The following TRAPPC9 variants were observed in gnomAD, a reference collection of about 807,000 sequenced individuals.
TRAPPC9 encodes IKK2 binding protein.
Under a neutral mutation model 124.0 loss-of-function variants are expected in TRAPPC9, and 83 were observed. That is an observed-to-expected ratio of 0.67 (90% CI 0.56 to 0.80). The LOEUF (loss-of-function observed/expected upper bound fraction) is 0.80, where lower values mean the gene tolerates loss of function less well. TRAPPC9 is among the 30% of genes least tolerant of loss of function. The pLI, the probability that TRAPPC9 is intolerant of heterozygous loss-of-function variation, is 0.00. For missense variants in TRAPPC9, 1,302 were observed against 1,508.3 expected (o/e 0.86, Z 2.27); for synonymous variants, 638 against 617.5 (o/e 1.03, Z -0.49).
At chr8:139,806,438 G>A (rs1824063640) in intron 21 of TRAPPC9, among the ~76,000 whole-genome samples, 1 of 152,204 alleles carries the variant, frequency 6.6e-6, no homozygotes, top group Non-Finnish European at 1.5e-5. Flanking sequence ...CCACCTGGAT[G>A]TTTCCACTCG....
chr8:139,901,768 C>G (rs1345766299), intron 20 of TRAPPC9, among the ~76,000 whole-genome samples: 2 of 152,222 alleles, frequency 1.3e-5, no homozygotes, highest in African/African-American at 4.8e-5. Flanking sequence ...GCACACAGCA[C>G]TGAGGGCAGC....
chr8:140,110,249 C>T (rs1479111574), intron 17 of TRAPPC9, among the ~76,000 whole-genome samples: 2 of 132,782 alleles, frequency 1.5e-5, no homozygotes, highest in Admixed American at 1.5e-4. Flanking sequence ...CCTGTAGCAG[C>T]TCCCCCCTGC....
chr8:140,151,085 T>C (rs970332932), intron 17 of TRAPPC9, among the ~76,000 whole-genome samples: 4 of 151,812 alleles, frequency 2.6e-5, no homozygotes, highest in African/African-American at 9.7e-5. Context: ...GGAACAGAAA[T>C]GGGGAAGTGG....
chr8:140,380,719 T>C (rs1354035105), intron 7 of TRAPPC9, among the ~76,000 whole-genome samples: 2 of 122,578 alleles, frequency 1.6e-5, no homozygotes, highest in Non-Finnish European at 1.8e-5. Flanking sequence ...TGAACAAAAA[T>C]TAACTCAAAA....
At chr8:139,749,680 A>C (rs1251726897) in intron 21 of TRAPPC9, among the ~76,000 whole-genome samples, 2 of 152,156 alleles carry the variant, frequency 1.3e-5, no homozygotes, top group Non-Finnish European at 1.5e-5. Flanking sequence ...CTTCACATAG[A>C]ACTATAAAGT....
At chr8:139,925,314 T>C (rs1240365706) in intron 19 of TRAPPC9, among the ~76,000 whole-genome samples, 1 of 152,064 alleles carries the variant, frequency 6.6e-6, no homozygotes, top group East Asian at 1.9e-4. Flanking sequence ...GGTGGAGTCT[T>C]TGTAGGCTGC....
In TRAPPC9 at chr8:140,065,769, C is replaced by T. The variant is rs114541007; in HGVS notation, c.2557-41690G>A. On this transcript the variant is annotated intron_variant, in intron 17 of 22. Coordinates refer to ENST00000438773, the MANE Select transcript of TRAPPC9 (RefSeq NM_001160372.4). Reference sequence around the variant, plus strand: ...ATTATTGCTTATTGACAATGCACCACGTCACGTAAGACAGCTGATGGAGAT... The same window carrying T: ...ATTATTGCTTATTGACAATGCACCATGTCACGTAAGACAGCTGATGGAGAT... Among the ~76,000 whole-genome samples the T allele has an allele frequency of 6.9e-3, 1,053 of 152,322 alleles. 8 individuals carry two copies. The highest frequency in any genetic ancestry group is 0.023 in the African/African-American group (945 of 41,564).
chr8:140,377,216 T>G (rs1283270589), intron 7 of TRAPPC9, among the ~76,000 whole-genome samples: 1 of 152,262 alleles, frequency 6.6e-6, no homozygotes, highest in African/African-American at 2.4e-5. Flanking sequence ...CGAGTTCATG[T>G]GTACTTTAAA....
intron 17 of TRAPPC9, among the ~76,000 whole-genome samples, chr8:140,050,479 T>C (rs765153673): frequency 6.6e-6 from 1 of 152,084 alleles, no homozygotes; most frequent in African/African-American, 2.4e-5. Flanking sequence ...CCAGGTGAGA[T>C]GCCCAACCCC....
chr8:139,853,384 C>T (rs560499867), intron 21 of TRAPPC9, among the ~76,000 whole-genome samples: 5 of 152,238 alleles, frequency 3.3e-5, no homozygotes, highest in East Asian at 3.9e-4. Context: ...ACTGTATCCC[C>T]GCGCCCATGG....
chr8:140,143,351 T>C (rs2061409210), intron 17 of TRAPPC9, among the ~76,000 whole-genome samples: 1 of 152,114 alleles, frequency 6.6e-6, no homozygotes, highest in South Asian at 2.1e-4. Context: ...CACTGATCTA[T>C]CAGTGGGACT....
At chr8:139,859,549 C>G (rs1054142059) in intron 21 of TRAPPC9, among the ~76,000 whole-genome samples, 8 of 152,142 alleles carry the variant, frequency 5.3e-5, no homozygotes, top group Non-Finnish European at 1.0e-4. Flanking sequence ...TTCTCCATTC[C>G]AAAAAAGAGA....
chr8:140,200,545 C>T (rs902701895), intron 17 of TRAPPC9, among the ~76,000 whole-genome samples: 1 of 152,072 alleles, frequency 6.6e-6, no homozygotes, highest in Non-Finnish European at 1.5e-5. Context: ...GGCACCCCTG[C>T]GGCGGCGGCA....
At chr8:140,341,357 C>T (rs1342223439) in intron 9 of TRAPPC9, among the ~76,000 whole-genome samples, 1 of 152,118 alleles carries the variant, frequency 6.6e-6, no homozygotes, top group African/African-American at 2.4e-5. Flanking sequence ...GGAAAACCCA[C>T]GTGTCTGCTT....
At chr8:140,198,798 G>A (rs2062720991) in intron 17 of TRAPPC9, among the ~76,000 whole-genome samples, 1 of 152,206 alleles carries the variant, frequency 6.6e-6, no homozygotes, top group Non-Finnish European at 1.5e-5. Flanking sequence ...TCTGGGCTGA[G>A]ATTTCCTGAA....
intron 7 of TRAPPC9, among the ~76,000 whole-genome samples, chr8:140,381,218 AAAG>A (rs2068598248): frequency 1.3e-5 from 2 of 151,482 alleles, no homozygotes; most frequent in South Asian, 2.1e-4. Flanking sequence ...AAAAAAAAAA[AAAG>A]AAGAAGAAAA....
chr8:139,924,991 G>A (rs906387230), intron 19 of TRAPPC9, among the ~76,000 whole-genome samples: 3 of 152,152 alleles, frequency 2.0e-5, no homozygotes, highest in East Asian at 1.9e-4. Flanking sequence ...GGCCTGCAGC[G>A]GCCACCAGCT....
chr8:140,361,923 TCCTAA>T (rs1303491529), intron 8 of TRAPPC9, among the ~76,000 whole-genome samples: 2 of 152,080 alleles, frequency 1.3e-5, no homozygotes, highest in African/African-American at 4.8e-5. Context: ...CTTCCTTCTA[TCCTAA>T]CCTTTCTCTG....
chr8:140,450,659 G>C, intron 2 of TRAPPC9, 131 bp downstream of exon 2: 1 of 788,174 alleles, frequency 1.3e-6, no homozygotes, highest in South Asian at 1.6e-5. Flanking sequence ...AACAGATTCT[G>C]ACAGAAAGTC....
Sources: allele counts gnomAD v4.1 joint callset (sites outside exome capture counted in the v4.1 genomes callset), GRCh38; gene constraint gnomAD v4.1.1; transcripts MANE v1.5; gene names NCBI Gene and HGNC (gene_info 2026-07-23, HGNC 2026-07-21).